The following KIF19 variants were observed in gnomAD, a reference collection of about 807,000 sequenced individuals.
The protein encoded by KIF19 is kinesin-like protein KIF19.
In KIF19, 98 loss-of-function variants were observed where a neutral mutation model predicts 106.6. That is an observed-to-expected ratio of 0.92 (90% CI 0.78 to 1.09). The LOEUF is 1.09. Among genes scored for constraint, KIF19 ranks in the 50% least tolerant of loss-of-function variants. The pLI is 0.00. For missense variants in KIF19, 1,373 were observed against 1,414.3 expected, an observed-to-expected ratio of 0.97 and a Z score of 0.47; for synonymous variants, 516 against 584.2, an observed-to-expected ratio of 0.88 and a Z score of 1.68.
chr17:74,337,772 C>T (rs887074630), intron 2 of KIF19, among the ~76,000 whole-genome samples: 15 of 152,184 alleles, frequency 9.9e-5, no homozygotes, highest in Admixed American at 2.6e-4. Flanking sequence ...GCTCAGCAAG[C>T]GTGTTGACCT....
chr17:74,348,035 C>A, intron 9 of KIF19, 136 bp downstream of exon 9: 1 of 1,080,874 alleles, frequency 9.3e-7, no homozygotes, highest in Non-Finnish European at 1.3e-6. Flanking sequence ...AGTTGATCGT[C>A]ACCTGTACAC....
Position 74,334,169 on chromosome 17 carries a change from T to C in KIF19, c.120+5664T>C, listed in dbSNP as rs563158948. The stretch of plus-strand genomic sequence containing the variant: ...TGCTGGCTGAATAATGTTTGAGGTG[T>C]GGATTCACCGTGTTCTGTTTATCCT... On this transcript the variant is annotated intron_variant, in intron 2 of 19. Coordinates refer to ENST00000389916, the MANE Select transcript of KIF19 (RefSeq NM_153209.4). Among the ~76,000 whole-genome samples, 158 of 152,290 alleles carry C rather than the reference T, an allele frequency of 1.0e-3. 1 individual carries two copies. Among genetic ancestry groups the C allele is most frequent in the African/African-American group, 3.6e-3 (150 of 41,568 alleles).
At chr17:74,333,980 T>C (rs2054161196) in intron 2 of KIF19, among the ~76,000 whole-genome samples, 1 of 151,278 alleles carries the variant, frequency 6.6e-6, no homozygotes, top group Admixed American at 6.6e-5. Context: ...CATGCCACAG[T>C]GCCCAGTTGA....
intron 10 of KIF19, 29 bp downstream of exon 10, chr17:74,349,378 GC>G (rs2054627772): frequency 1.3e-6 from 2 of 1,551,270 alleles, no homozygotes; most frequent in Middle Eastern, 1.7e-4. Context: ...GTGAGTGGCA[GC>G]CCCCTCCGGC....
chr17:74,335,793 C>T (rs149528228), intron 2 of KIF19, among the ~76,000 whole-genome samples: 2,248 of 152,310 alleles, frequency 0.015, 30 homozygotes, highest in Middle Eastern at 0.048. Flanking sequence ...ATGCATTCCC[C>T]GGGGGGGCTG....
At chr17:74,340,032 A>C (rs551544285) in intron 2 of KIF19, among the ~76,000 whole-genome samples, 1 of 152,282 alleles carries the variant, frequency 6.6e-6, no homozygotes, top group South Asian at 2.1e-4. Context: ...CTCTTGGCAC[A>C]TGCCCAGCGC....
Position 74,344,206 on chromosome 17 carries a change from C to T in KIF19, c.457-17C>T. 6.2e-7 allele frequency: 1 copy of T among 1,607,508 alleles called. No homozygotes were observed. The highest frequency in any genetic ancestry group is 8.5e-7 in the Non-Finnish European group (1 of 1,177,330). Reference sequence around the variant, plus strand: ...TTAGTCTCCCTTCCCCCACCCCTCCCCCACCTGTCCCGTCAGATCTACAAT... The same window carrying T: ...TTAGTCTCCCTTCCCCCACCCCTCCTCCACCTGTCCCGTCAGATCTACAAT... On this transcript the variant is annotated splice_polypyrimidine_tract_variant and intron_variant, in intron 5 of 19. Transcript: ENST00000389916.
rs555923478 is a variant in KIF19 at position 74,326,286 on chromosome 17, G to A, written c.-64G>A. On this transcript the variant is annotated 5_prime_UTR_variant, in exon 1 of 20. Coordinates refer to ENST00000389916, the MANE Select transcript of KIF19 (RefSeq NM_153209.4). ...AGCAGCTGGCGGACGCGACCCGGAGGCGGTGGGGGTGCGGCTGAGCCATGC... is the reference window on the plus strand; with the variant it reads ...AGCAGCTGGCGGACGCGACCCGGAGACGGTGGGGGTGCGGCTGAGCCATGC... 7.3e-5 allele frequency: 110 copies of A among 1,500,014 alleles called. No homozygotes were observed. The African/African-American group carries it at 1.3e-3, about 17-fold the overall frequency. 92.9% of individuals were successfully genotyped at this position (1,500,014 alleles called of 1,614,324 possible).
Position 74,352,125 on chromosome 17 carries a change from C to T in KIF19, c.1846C>T (p.Gln616Ter). 6.3e-7 allele frequency: 1 copy of T among 1,582,208 alleles called. No homozygotes were observed. Among genetic ancestry groups the T allele is most frequent in the African/African-American group, 1.4e-5 (1 of 74,016 alleles). The change falls in exon 13 of 20, where the codon CAG becomes TAG. Residue 616 changes from glutamine (Q) to a stop codon, truncating the protein, a stop_gained. Transcript: ENST00000389916. LOFTEE classifies it high-confidence loss of function. ...LCDEIIQGQRQIIDDYNLAVP... is the reference protein window; with the variant it reads ...LCDEIIQGQR ...CGACGAGATTATCCAGGGCCAGCGG[C>T]AGATCATCGACGGTAGGGCCCACGC...
chr17:74,351,452 C>T (rs60913102), intron 12 of KIF19: 12,745 of 168,846 alleles, frequency 0.075, 580 homozygotes, highest in Middle Eastern at 0.093. Context: ...ATAGCGCCAC[C>T]GCACTCCAGC....
intron 9 of KIF19, chr17:74,348,917 G>C: frequency 2.0e-6 from 1 of 509,044 alleles, no homozygotes; most frequent in Non-Finnish European, 3.5e-6. Flanking sequence ...GGAGCGGTGA[G>C]CCCAGAGAAA....
At chr17:74,340,729 C>T (rs903361242) in intron 2 of KIF19, among the ~76,000 whole-genome samples, 5 of 152,248 alleles carry the variant, frequency 3.3e-5, no homozygotes, top group African/African-American at 1.2e-4. Flanking sequence ...TGGAGCAGTT[C>T]CCTCACAGCC....
At chr17:74,340,556 T>A (rs61361433) in intron 2 of KIF19, among the ~76,000 whole-genome samples, 1 of 151,906 alleles carries the variant, frequency 6.6e-6, no homozygotes, top group East Asian at 2.0e-4. Context: ...TGCGCGCGCG[T>A]ACACACACAC....
chr17:74,342,626 G>A lies in KIF19; in HGVS notation c.232-4G>A, dbSNP rs12601559. ...CGGCCCCTGACAGGCTTCCTTCCTC[G>A]CAGGAGATGGTGTATCAGGCCACCA... On this transcript the variant is annotated splice_polypyrimidine_tract_variant and splice_region_variant and intron_variant, in intron 3 of 19. Transcript: ENST00000389916. The A allele has an allele frequency of 0.26, 426,123 of 1,609,608 alleles. 58,938 individuals are homozygous for A. The highest frequency in any genetic ancestry group is 0.35 in the Middle Eastern group (2,104 of 6,048).
chr17:74,348,676 A>G (rs185766874), intron 9 of KIF19: 1 of 165,712 alleles, frequency 6.0e-6, no homozygotes, highest in Non-Finnish European at 1.3e-5. Flanking sequence ...TAGCAGGTAA[A>G]TGATGCCAAT....
At chr17:74,338,414 G>A (rs1336767123) in intron 2 of KIF19, among the ~76,000 whole-genome samples, 1 of 148,860 alleles carries the variant, frequency 6.7e-6, no homozygotes, top group African/African-American at 2.4e-5. Context: ...CTGGCAGGGA[G>A]CCTGAGTGAG....
At chr17:74,349,444 C>A in intron 10 of KIF19, 95 bp downstream of exon 10, 3 of 1,306,484 alleles carry the variant, frequency 2.3e-6, no homozygotes, top group Non-Finnish European at 3.1e-6. Flanking sequence ...CAGAATCGGG[C>A]TCTTTCTGGC....
intron 19 of KIF19, 57 bp from the exon 20 acceptor site, chr17:74,355,125 G>C: frequency 6.4e-7 from 1 of 1,554,208 alleles, no homozygotes; most frequent in Non-Finnish European, 8.7e-7. Context: ...TGGGTGATGG[G>C]AGAGGAGTTG....
chr17:74,330,771 C>T (rs1480922859), intron 2 of KIF19, among the ~76,000 whole-genome samples: 6 of 152,326 alleles, frequency 3.9e-5, no homozygotes, highest in East Asian at 3.9e-4. Flanking sequence ...TCCACTGCCT[C>T]CACCTCCAAG....
Sources: allele counts gnomAD v4.1 joint callset (sites outside exome capture counted in the v4.1 genomes callset), GRCh38; gene constraint gnomAD v4.1.1; transcripts MANE v1.5; gene names NCBI Gene and HGNC (gene_info 2026-07-23, HGNC 2026-07-21).